Variants in MBNL1 observed in about 807,000 individuals in gnomAD.
MBNL1 encodes the protein muscleblind like splicing regulator 1, also known as muscleblind-like protein 1.
MBNL1 carries 8 observed loss-of-function variants against 42.2 expected under a neutral mutation model. The ratio of observed to expected loss-of-function variants is 0.19; its 90% CI spans 0.11 to 0.34. The LOEUF is 0.34. Ranked by LOEUF, MBNL1 falls within the 10% of genes least tolerant of loss-of-function variation. MBNL1 has a pLI of 1.00. For synonymous variants in MBNL1, 169 were observed against 173.9 expected (o/e 0.97, Z 0.22); for missense variants, 309 against 495.3 (o/e 0.62, Z 3.57).
chr3:152,301,486 T>C (rs1283514786), intron 2 of MBNL1, among the ~76,000 whole-genome samples: 1 of 152,102 alleles, frequency 6.6e-6, no homozygotes, highest in South Asian at 2.1e-4. Flanking sequence ...TCAGGGTGAG[T>C]TATGAGTTAA....
chr3:152,383,749 A>G (rs2097287113), intron 2 of MBNL1, among the ~76,000 whole-genome samples: 1 of 152,064 alleles, frequency 6.6e-6, no homozygotes, highest in Non-Finnish European at 1.5e-5. Context: ...GGATCCTTTT[A>G]CCTTGAAAAC....
At chr3:152,292,533 A>C (rs1234312057) in intron 1 of MBNL1, among the ~76,000 whole-genome samples, 3 of 152,188 alleles carry the variant, frequency 2.0e-5, no homozygotes, top group African/African-American at 7.2e-5. Flanking sequence ...TAGTAAACAC[A>C]ATCTTCCTTT....
intron 2 of MBNL1, chr3:152,302,420 T>C (rs2061088622): frequency 6.6e-6 from 1 of 152,160 alleles, no homozygotes; most frequent in African/African-American, 2.4e-5. Flanking sequence ...TAAATGTTAG[T>C]AAAATAATTA....
At chr3:152,342,598 C>T (rs1223945797) in intron 2 of MBNL1, among the ~76,000 whole-genome samples, 4 of 131,872 alleles carry the variant, frequency 3.0e-5, no homozygotes, top group Non-Finnish European at 6.4e-5. Context: ...TTTCCACAAA[C>T]AACAGGACCT....
At chr3:152,374,873 T>C (rs2096831087) in intron 2 of MBNL1, among the ~76,000 whole-genome samples, 1 of 152,234 alleles carries the variant, frequency 6.6e-6, no homozygotes, top group Admixed American at 6.5e-5. Flanking sequence ...ATTTTTCCCA[T>C]GAGCAAAGAA....
rs764495008 is a variant in MBNL1, at chr3:152,447,631, A to C, written c.819A>C (p.Gln273His). ...CATTCACTAAACAGGGAATTCCTCA[A>C]GCTGTACTTCCCCCATTACCAAAGA... ...AATAAAMGIP[Q>H]AVLPPLPKRP... Residue 273 changes from glutamine to histidine, a missense_variant, in exon 6 of 10, where the codon CAA becomes CAC. Transcript: ENST00000324210. 6.2e-7 allele frequency: 1 copy of C among 1,613,100 alleles called. No homozygotes were observed. The highest frequency in any genetic ancestry group is 8.5e-7 in the Non-Finnish European group (1 of 1,179,412).
chr3:152,246,519 T>A, intron 2 of MBNL1, among the ~76,000 whole-genome samples: 1 of 151,704 alleles, frequency 6.6e-6, no homozygotes, highest in East Asian at 1.9e-4. Context: ...TAATGGTAAA[T>A]AAATATTAAC....
At position 152,339,854 on chromosome 3, in the gene MBNL1, G is replaced by C. The variant is rs780055393; in HGVS notation, c.174+39487G>C. ...TGATATTTCATTTAACATAATTTCA[G>C]AGTAGCTCTGTGCTGTAAGATGAGC... On this transcript the variant is annotated intron_variant, in intron 2 of 9. Coordinates refer to ENST00000324210, the MANE Select transcript of MBNL1 (RefSeq NM_021038.5). The C allele has an allele frequency of 4.6e-5, 7 of 152,150 alleles. No individual in the cohort carries two copies. The East Asian group carries it at 1.4e-3, about 29-fold the overall frequency. 9.4% of individuals were successfully genotyped at this position (152,150 alleles called of 1,614,324 possible). A position where few individuals can be genotyped will look rare whatever the true frequency, so the allele number is the denominator to read the frequency against.
chr3:152,270,342 A>G (rs756751797), intron 1 of MBNL1, among the ~76,000 whole-genome samples: 22 of 152,162 alleles, frequency 1.4e-4, no homozygotes, highest in Non-Finnish European at 2.1e-4. Context: ...TAGACTTTCG[A>G]GCCCTCTGCA....
chr3:152,441,933 C>T (rs2099150757), intron 4 of MBNL1, among the ~76,000 whole-genome samples: 1 of 152,184 alleles, frequency 6.6e-6, no homozygotes, highest in East Asian at 1.9e-4. Context: ...GCTAGGATTA[C>T]AGGCGCCTGC....
chr3:152,252,169 TTCCTTCCTTCCCTCCTTCCTTCCTTCCC>T (rs2034698583), intron 2 of MBNL1, among the ~76,000 whole-genome samples: 5 of 146,268 alleles, frequency 3.4e-5, no homozygotes, highest in Admixed American at 2.7e-4. Flanking sequence ...CCTTCCTTCC[TTCCTTCCTTCCCTCCTTCCTTCCTTCCC>T]TCCTTCCTTC....
intron 2 of MBNL1, among the ~76,000 whole-genome samples, chr3:152,379,294 T>C (rs1056403484): frequency 1.3e-5 from 2 of 152,206 alleles, no homozygotes; most frequent in Non-Finnish European, 2.9e-5. Flanking sequence ...AAAAATATTA[T>C]CAGAGTTTTC....
intron 2 of MBNL1, among the ~76,000 whole-genome samples, chr3:152,382,064 C>T (rs2097199917): frequency 6.6e-6 from 1 of 151,742 alleles, no homozygotes; most frequent in African/African-American, 2.4e-5. Context: ...TTTAGTTACC[C>T]CTAGAAAGGT....
chr3:152,315,202 C>T (rs1455013503), intron 2 of MBNL1, among the ~76,000 whole-genome samples: 3 of 152,138 alleles, frequency 2.0e-5, no homozygotes, highest in Non-Finnish European at 2.9e-5. Context: ...TCAGCTTTTT[C>T]GCAGTTGCCA....
chr3:152,276,676 G>T (rs2045392556), intron 1 of MBNL1, among the ~76,000 whole-genome samples: 1 of 152,112 alleles, frequency 6.6e-6, no homozygotes, highest in Non-Finnish European at 1.5e-5. Flanking sequence ...GAAGAAATGA[G>T]GAATCAGGTG....
At chr3:152,292,793 G>C (rs1338915029) in intron 1 of MBNL1, among the ~76,000 whole-genome samples, 1 of 149,478 alleles carries the variant, frequency 6.7e-6, no homozygotes, top group Admixed American at 6.6e-5. Flanking sequence ...TTTTCAGACA[G>C]GGTCTTACTC....
chr3:152,362,071 G>A (rs2153144028), intron 2 of MBNL1, among the ~76,000 whole-genome samples: 1 of 152,314 alleles, frequency 6.6e-6, no homozygotes, highest in East Asian at 1.9e-4. Context: ...ATGTCATTTA[G>A]AGCATTTTAT....
intron 2 of MBNL1, among the ~76,000 whole-genome samples, chr3:152,254,790 A>G (rs573534924): frequency 2.0e-5 from 3 of 152,250 alleles, no homozygotes; most frequent in African/African-American, 4.8e-5. Context: ...CTTTTTTTGT[A>G]TCATCATGTC....
upstream of MBNL1, chr3:152,264,937 T>C (rs1471683724): frequency 6.6e-6 from 1 of 152,056 alleles, no homozygotes; most frequent in African/African-American, 2.4e-5. Context: ...TAGTATCTAT[T>C]AGAATACATA....
Sources: allele counts gnomAD v4.1 joint callset (sites outside exome capture counted in the v4.1 genomes callset), GRCh38; gene constraint gnomAD v4.1.1; transcripts MANE v1.5; gene names NCBI Gene and HGNC (gene_info 2026-07-23, HGNC 2026-07-21).